The following MGAT4C variants were observed in gnomAD, a reference collection of about 807,000 sequenced individuals.
MGAT4C encodes the protein MGAT4 family member C, also known as alpha-1,3-mannosyl-glycoprotein 4-beta-N-acetylglucosaminyltransferase C.
A neutral mutation model predicts 40.1 loss-of-function variants in MGAT4C; 19 were observed. The ratio of observed to expected loss-of-function variants is 0.47; its 90% CI spans 0.33 to 0.70. The LOEUF is 0.70. Ranked by LOEUF, MGAT4C falls within the 30% of genes least tolerant of loss-of-function variation. The probability of loss-of-function intolerance (pLI) is 0.02; values close to 1 mark genes in which losing one functional copy is unlikely to be tolerated. For synonymous variants in MGAT4C, 181 were observed against 187.1 expected, an observed-to-expected ratio of 0.97 and a Z score of 0.27; for missense variants, 491 against 563.2, an observed-to-expected ratio of 0.87 and a Z score of 1.30.
chr12:86,624,883 AT>A (rs945806406), intron 2 of MGAT4C, among the ~76,000 whole-genome samples: 1 of 151,980 alleles, frequency 6.6e-6, no homozygotes, highest in African/African-American at 2.4e-5. Flanking sequence ...AATATTTTTT[AT>A]TTTTATAAAA....
chr12:86,343,336 C>T (rs1386084751), intron 3 of MGAT4C, among the ~76,000 whole-genome samples: 1 of 152,152 alleles, frequency 6.6e-6, no homozygotes, highest in Non-Finnish European at 1.5e-5. Context: ...AATGTATCGT[C>T]ACCTCAAACA....
At chr12:86,409,650 T>C (rs1386475087) in intron 3 of MGAT4C, among the ~76,000 whole-genome samples, 1 of 152,158 alleles carries the variant, frequency 6.6e-6, no homozygotes, top group Non-Finnish European at 1.5e-5. Context: ...GATAATTATT[T>C]CTGGTATGGT....
chr12:86,224,197 A>G (rs978120615), intron 1 of MGAT4C, among the ~76,000 whole-genome samples: 12 of 152,222 alleles, frequency 7.9e-5, no homozygotes, highest in African/African-American at 2.9e-4. Context: ...TTATAAGTCG[A>G]AAACTGAAAA....
In MGAT4C at chr12:85,959,056, A is replaced by G. The variant is rs887778422; in HGVS notation, c.*20233T>C. ...ACAATACAATACAATACAATACAAT[A>G]CAATACAATACAATACAATACAATA... is the stretch of plus-strand genomic sequence containing the variant. On this transcript the variant is annotated 3_prime_UTR_variant, in exon 5 of 5. Transcript: ENST00000611864. The G allele has an allele frequency of 1.3e-5, 2 of 151,866 alleles. No individual in the cohort carries two copies. Among genetic ancestry groups the G allele is most frequent in the Admixed American group, 6.6e-5 (1 of 15,208 alleles). The allele number at this position is 151,866 out of a possible 1,614,324, so 9.4% of individuals were successfully genotyped here.
At chr12:86,623,590 A>C (rs1324437468) in intron 2 of MGAT4C, among the ~76,000 whole-genome samples, 1 of 152,202 alleles carries the variant, frequency 6.6e-6, no homozygotes, top group African/African-American at 2.4e-5. Context: ...TTCATCTAGA[A>C]TTCTATATCA....
chr12:86,644,239 A>G (rs891111373), intron 2 of MGAT4C, among the ~76,000 whole-genome samples: 28 of 151,852 alleles, frequency 1.8e-4, no homozygotes, highest in African/African-American at 6.3e-4. Context: ...ACTTAAATCA[A>G]TAAGAATAAA....
At chr12:86,773,432 A>T (rs1022026848) in intron 1 of MGAT4C, among the ~76,000 whole-genome samples, 4 of 152,124 alleles carry the variant, frequency 2.6e-5, no homozygotes, top group African/African-American at 9.7e-5. Context: ...AATGTGAGAA[A>T]ATAAATTTAT....
chr12:86,381,702 C>T (rs1330779877), intron 3 of MGAT4C, among the ~76,000 whole-genome samples: 1 of 152,136 alleles, frequency 6.6e-6, no homozygotes, highest in Non-Finnish European at 1.5e-5. Context: ...AAATCCATTC[C>T]TTATCAATTA....
intron 1 of MGAT4C, among the ~76,000 whole-genome samples, chr12:86,771,267 G>T (rs906862926): frequency 6.6e-6 from 1 of 152,106 alleles, no homozygotes; most frequent in African/African-American, 2.4e-5. Context: ...TCATTCTGAG[G>T]CACTTTGTCA....
chr12:86,446,340 T>C (rs1957334155), intron 2 of MGAT4C, among the ~76,000 whole-genome samples: 1 of 151,904 alleles, frequency 6.6e-6, no homozygotes, highest in African/African-American at 2.4e-5. Flanking sequence ...CCAATTGGCA[T>C]TGGTAAAGTA....
intron 2 of MGAT4C, among the ~76,000 whole-genome samples, chr12:86,611,609 C>A (rs978612732): frequency 6.6e-6 from 1 of 152,138 alleles, no homozygotes. Context: ...CTTTTGCACT[C>A]CTTATCTCCT....
chr12:86,642,632 A>C (rs1963425258), intron 2 of MGAT4C, among the ~76,000 whole-genome samples: 1 of 151,800 alleles, frequency 6.6e-6, no homozygotes, highest in African/African-American at 2.4e-5. Context: ...TATGCCAGAT[A>C]CTAAAAATTT....
intron 1 of MGAT4C, among the ~76,000 whole-genome samples, chr12:86,831,942 T>C (rs1319154227): frequency 2.0e-5 from 3 of 151,850 alleles, no homozygotes; most frequent in African/African-American, 7.2e-5. Context: ...ATCACAAAGA[T>C]TCTGTTGTGA....
chr12:86,777,294 C>T (rs1285127305), intron 1 of MGAT4C, among the ~76,000 whole-genome samples: 2 of 152,030 alleles, frequency 1.3e-5, no homozygotes, highest in African/African-American at 4.8e-5. Context: ...AATATATTTA[C>T]CATGGTTACA....
intron 1 of MGAT4C, among the ~76,000 whole-genome samples, chr12:86,166,824 T>G (rs1204176686): frequency 6.6e-6 from 1 of 151,910 alleles, no homozygotes; most frequent in East Asian, 1.9e-4. Flanking sequence ...TAAAGCAAAA[T>G]AACTCAAACA....
chr12:86,555,864 A>G (rs1255872688), intron 2 of MGAT4C, among the ~76,000 whole-genome samples: 3 of 151,812 alleles, frequency 2.0e-5, no homozygotes, highest in South Asian at 4.2e-4. Context: ...TCTCTCTCAA[A>G]CTGTCTTTTC....
At chr12:86,129,093 A>G (rs1880776787) in intron 1 of MGAT4C, among the ~76,000 whole-genome samples, 1 of 152,108 alleles carries the variant, frequency 6.6e-6, no homozygotes, top group Admixed American at 6.6e-5. Flanking sequence ...GGTGCAGAAT[A>G]ATTAAGGAAT....
At chr12:86,466,841 C>A (rs1957689142) in intron 2 of MGAT4C, among the ~76,000 whole-genome samples, 1 of 152,068 alleles carries the variant, frequency 6.6e-6, no homozygotes, top group Non-Finnish European at 1.5e-5. Flanking sequence ...TAATCTAAAA[C>A]ATTTTCTTAA....
intron 2 of MGAT4C, among the ~76,000 whole-genome samples, chr12:86,600,504 T>C (rs1961727874): frequency 6.6e-6 from 1 of 152,158 alleles, no homozygotes; most frequent in Non-Finnish European, 1.5e-5. Context: ...GGAAATTAAT[T>C]AGGATGTCAC....
Sources: allele counts gnomAD v4.1 joint callset (sites outside exome capture counted in the v4.1 genomes callset), GRCh38; gene constraint gnomAD v4.1.1; transcripts MANE v1.5; gene names NCBI Gene and HGNC (gene_info 2026-07-23, HGNC 2026-07-21).